The following DPP6 variants were observed in gnomAD, a reference collection of about 807,000 sequenced individuals.
DPP6 encodes the protein A-type potassium channel modulatory protein DPP6.
In DPP6, 69 loss-of-function variants were observed where a neutral mutation model predicts 122.6. That is an observed-to-expected ratio of 0.56 (90% confidence interval 0.46 to 0.69). The LOEUF (loss-of-function observed/expected upper bound fraction) is 0.69. Ranked by LOEUF, DPP6 falls within the 30% of genes least tolerant of loss-of-function variation. The pLI, the probability that DPP6 is intolerant of heterozygous loss-of-function variation, is 0.00. For missense variants in DPP6, 928 were observed against 1,116.9 expected, an observed-to-expected ratio of 0.83 and a Z score of 2.41; for synonymous variants, 418 against 433.1, an observed-to-expected ratio of 0.97 and a Z score of 0.43.
At chr7:153,879,258 T>G in the DPP6 span, among the ~76,000 whole-genome samples, 26 of 152,152 alleles carry the variant, frequency 1.7e-4, no homozygotes, top group Admixed American at 1.0e-3. Flanking sequence ...GGTCTGAGTG[T>G]TGGTGGTAGG....
intron 1 of DPP6, among the ~76,000 whole-genome samples, chr7:154,357,391 A>G (rs916503360): frequency 5.3e-5 from 8 of 152,134 alleles, no homozygotes; most frequent in Admixed American, 5.2e-4. Flanking sequence ...AAACTAATGA[A>G]GTAAGGTCAA....
rs139152037 is a variant in DPP6, at chr7:154,242,381, A to AGTGTGTGTGTGTGTGTGTGTGTGT, written c.243+189336_243+189337insGTGTGTGTGTGTGTGTGTGTGTGT. Among the ~76,000 whole-genome samples, 7 of 150,312 alleles carry AGTGTGTGTGTGTGTGTGTGTGTGT rather than the reference A, an allele frequency of 4.7e-5. No homozygotes were observed. In the East Asian group the frequency reaches 7.8e-4, roughly 17 times the overall value. On this transcript the variant is annotated intron_variant, in intron 1 of 25. Transcript: ENST00000377770. Reference sequence around the variant, plus strand: ...GTAACACTGACTTTAAGAGGCAATGAGTGTGTGTGTGTGTGTGTATGTGTG... The same window carrying AGTGTGTGTGTGTGTGTGTGTGTGT: ...GTAACACTGACTTTAAGAGGCAATGAGTGTGTGTGTGTGTGTGTGTGTGTGTGTGTGTGTGTGTGTGTATGTGTG...
chr7:154,781,006 G>T (rs1796992309), intron 10 of DPP6, among the ~76,000 whole-genome samples: 1 of 152,036 alleles, frequency 6.6e-6, no homozygotes, highest in Admixed American at 6.6e-5. Context: ...TGAATGGATG[G>T]ATGATGGGTG....
chr7:153,896,895 A>G lies in DPP6; in HGVS notation c.51+9161A>G, dbSNP rs367996922. Among the ~76,000 whole-genome samples, 23 of 152,224 alleles carry G rather than the reference A, an allele frequency of 1.5e-4. 1 individual carries two copies. The East Asian group carries it at 2.9e-3, about 19-fold the overall frequency. ...CTTGTTAAATGGTAGTTTTCTAGAA[A>G]ATTGCATTTATCAGACCAAATCATA... On this transcript the variant is annotated intron_variant, in intron 1 of 25. Transcript: ENST00000404039.
intron 1 of DPP6, chr7:154,055,450 T>C (rs1234471907): frequency 6.6e-6 from 1 of 150,996 alleles, no homozygotes; most frequent in Non-Finnish European, 1.5e-5. Context: ...TAAAGTGTAT[T>C]GAAAAACAAA....
At chr7:154,304,565 GT>G (rs112016529) in intron 1 of DPP6, among the ~76,000 whole-genome samples, 24 of 149,532 alleles carry the variant, frequency 1.6e-4, no homozygotes, top group South Asian at 4.2e-4. Flanking sequence ...AGGCTGGAAT[GT>G]TTTTTTTTTC....
At position 154,795,977 on chromosome 7, in the gene DPP6, C is replaced by T. The variant is rs1798029825; in HGVS notation, c.1299+94C>T. ...CTTCGACAACAGCAGAATGGCTTCT[C>T]AGAGTAAATCACACAGGGCTCCCCA... On this transcript the variant is annotated intron_variant, in intron 12 of 25. Coordinates refer to ENST00000377770, the MANE Select transcript of DPP6 (RefSeq NM_130797.4). 19 of 1,498,960 alleles carry T rather than the reference C, an allele frequency of 1.3e-5. No individual in the cohort carries two copies. The South Asian group carries it at 2.6e-4, about 20-fold the overall frequency. The allele number at this position is 1,498,960 out of a possible 1,614,324, so 92.9% of individuals were successfully genotyped here.
At chr7:153,825,429 A>G in the DPP6 span, among the ~76,000 whole-genome samples, 2 of 152,132 alleles carry the variant, frequency 1.3e-5, no homozygotes, top group African/African-American at 4.8e-5. Flanking sequence ...ACAGCTGATG[A>G]AATTATTCAT....
chr7:154,812,595 T>G (rs1799140281), intron 16 of DPP6, among the ~76,000 whole-genome samples: 1 of 152,064 alleles, frequency 6.6e-6, no homozygotes, highest in Non-Finnish European at 1.5e-5. Context: ...TCATTATAAG[T>G]GCACTAATGC....
chr7:154,876,562 G>A (rs1804879179), intron 20 of DPP6, among the ~76,000 whole-genome samples: 1 of 152,146 alleles, frequency 6.6e-6, no homozygotes, highest in African/African-American at 2.4e-5. Context: ...CATCCAGGTG[G>A]GGCCAGAATG....
At chr7:154,151,152 A>C (rs1247931920) in intron 1 of DPP6, among the ~76,000 whole-genome samples, 1 of 152,128 alleles carries the variant, frequency 6.6e-6, no homozygotes. Flanking sequence ...TTTTCAGTAG[A>C]GGCTTCTTCC....
the DPP6 span, among the ~76,000 whole-genome samples, chr7:153,840,547 A>G: frequency 6.6e-6 from 1 of 152,176 alleles, no homozygotes; most frequent in East Asian, 1.9e-4. Context: ...ATTAATACTT[A>G]TTCACTAAAT....
intron 1 of DPP6, among the ~76,000 whole-genome samples, chr7:153,900,326 C>T (rs38973): frequency 0.17 from 25,416 of 151,746 alleles, 2,625 homozygotes; most frequent in Middle Eastern, 0.26. Context: ...GTAGCAATGC[C>T]CCATTCCTTG....
At chr7:153,871,854 A>G in the DPP6 span, among the ~76,000 whole-genome samples, 15 of 152,156 alleles carry the variant, frequency 9.9e-5, no homozygotes, top group Non-Finnish European at 2.2e-4. Flanking sequence ...GTTCAGTATG[A>G]ACCTTCTTTT....
intron 7 of DPP6, among the ~76,000 whole-genome samples, chr7:154,720,939 A>G (rs2131342042): frequency 6.6e-6 from 1 of 152,372 alleles, no homozygotes; most frequent in Admixed American, 6.5e-5. Context: ...AGAAGAGGGC[A>G]GAATGGGGCC....
At chr7:154,497,249 G>A (rs1824825443) in intron 3 of DPP6, among the ~76,000 whole-genome samples, 1 of 152,126 alleles carries the variant, frequency 6.6e-6, no homozygotes, top group Non-Finnish European at 1.5e-5. Context: ...CCTTCAACCT[G>A]GAGTTGAGAC....
At chr7:154,591,884 A>C (rs945904721) in intron 5 of DPP6, among the ~76,000 whole-genome samples, 2 of 152,242 alleles carry the variant, frequency 1.3e-5, no homozygotes, top group Non-Finnish European at 2.9e-5. Flanking sequence ...GTTCAGGGTC[A>C]CAGAGCGAGT....
the DPP6 span, among the ~76,000 whole-genome samples, chr7:153,816,139 A>T: frequency 2.0e-5 from 3 of 152,100 alleles, no homozygotes; most frequent in African/African-American, 7.2e-5. Context: ...GGAGATAAAT[A>T]ATTATTATCT....
chr7:154,192,578 T>C (rs1798666655), intron 1 of DPP6, among the ~76,000 whole-genome samples: 1 of 152,260 alleles, frequency 6.6e-6, no homozygotes. Context: ...GATAAAGTAC[T>C]CTTGAAATAT....
Sources: allele counts gnomAD v4.1 joint callset (sites outside exome capture counted in the v4.1 genomes callset), GRCh38; gene constraint gnomAD v4.1.1; transcripts MANE v1.5; gene names NCBI Gene and HGNC (gene_info 2026-07-23, HGNC 2026-07-21).